Variants in GSE1 observed in about 807,000 individuals in gnomAD.
GSE1 encodes the protein Gse1 coiled-coil protein, also known as genetic suppressor element 1.
A neutral mutation model predicts 112.6 loss-of-function variants in GSE1; 32 were observed. The observed-to-expected ratio is 0.28, with a 90% CI of 0.21 to 0.38. GSE1 has a LOEUF of 0.38. Ranked by LOEUF, GSE1 falls within the 10% of genes least tolerant of loss-of-function variation. The pLI, the probability that GSE1 is intolerant of heterozygous loss-of-function variation, is 1.00. For synonymous variants in GSE1, 1,115 were observed against 735.6 expected (o/e 1.52, Z -8.35); for missense variants, 2,348 against 1,699.2 (o/e 1.38, Z -6.71).
intron 1 of GSE1, among the ~76,000 whole-genome samples, chr16:85,628,778 C>G (rs1046312624): frequency 2.0e-5 from 3 of 152,224 alleles, no homozygotes; most frequent in Non-Finnish European, 4.4e-5. Context: ...AAAGACATAG[C>G]TCTTCTCGTT....
At chr16:85,625,894 C>A (rs936522238) in intron 1 of GSE1, among the ~76,000 whole-genome samples, 5 of 152,118 alleles carry the variant, frequency 3.3e-5, no homozygotes, top group African/African-American at 4.8e-5. Flanking sequence ...CAGGTCTACA[C>A]GGGCCAGGCG....
chr16:85,477,095 T>C (rs1450676470), intron 2 of GSE1, among the ~76,000 whole-genome samples: 1 of 151,976 alleles, frequency 6.6e-6, no homozygotes, highest in Non-Finnish European at 1.5e-5. Context: ...GCCTGGCTAA[T>C]TTTTGTATTT....
chr16:85,187,495 CAG>C, intron 1 of GSE1, among the ~76,000 whole-genome samples: 1 of 152,258 alleles, frequency 6.6e-6, no homozygotes, highest in Non-Finnish European at 1.5e-5. Context: ...CATTCTTGCT[CAG>C]TGTCACCTGG....
intron 2 of GSE1, among the ~76,000 whole-genome samples, chr16:85,514,640 C>A (rs1251983270): frequency 6.6e-6 from 1 of 152,212 alleles, no homozygotes; most frequent in Non-Finnish European, 1.5e-5. Context: ...AGAGGCTCTG[C>A]GCCCATTGTC....
chr16:85,356,255 C>T (rs1427205393), intron 1 of GSE1, among the ~76,000 whole-genome samples: 1 of 152,222 alleles, frequency 6.6e-6, no homozygotes, highest in Non-Finnish European at 1.5e-5. Flanking sequence ...CGCCTCGGGA[C>T]CAGTGAGCCC....
At chr16:85,292,997 G>A (rs2045266747) in intron 1 of GSE1, among the ~76,000 whole-genome samples, 1 of 152,136 alleles carries the variant, frequency 6.6e-6, no homozygotes, top group African/African-American at 2.4e-5. Context: ...TTAAGTGTCC[G>A]TTTTGAAGAG....
intron 2 of GSE1, among the ~76,000 whole-genome samples, chr16:85,448,057 G>A (rs1475688606): frequency 6.6e-6 from 1 of 152,218 alleles, no homozygotes; most frequent in African/African-American, 2.4e-5. Context: ...CAGCCAGCGA[G>A]GGCTCATCAG....
intron 1 of GSE1, among the ~76,000 whole-genome samples, chr16:85,182,761 C>T (rs55634088): frequency 1.3e-5 from 2 of 151,930 alleles, no homozygotes; most frequent in Non-Finnish European, 1.5e-5. Flanking sequence ...GAGCCGCCTG[C>T]GTGGGAGGGA....
At chr16:85,399,795 G>A (rs1042727871) in intron 2 of GSE1, among the ~76,000 whole-genome samples, 6 of 152,336 alleles carry the variant, frequency 3.9e-5, no homozygotes, top group South Asian at 4.1e-4. Context: ...TCTGTGCTTC[G>A]CTCCTAGAAG....
At chr16:85,343,828 A>C (rs2046675101) in intron 1 of GSE1, among the ~76,000 whole-genome samples, 1 of 152,192 alleles carries the variant, frequency 6.6e-6, no homozygotes, top group Admixed American at 6.5e-5. Context: ...CTCCCCTCTC[A>C]CTGCGAATGA....
intron 1 of GSE1, among the ~76,000 whole-genome samples, chr16:85,633,628 C>A (rs1337732959): frequency 6.6e-6 from 1 of 152,218 alleles, no homozygotes; most frequent in Middle Eastern, 3.2e-3. Flanking sequence ...ACCTGCCCAG[C>A]CTGGACTGCC....
intron 1 of GSE1, among the ~76,000 whole-genome samples, chr16:85,307,614 A>ACAGG (rs2045716298): frequency 2.6e-4 from 1 of 3,806 alleles, no homozygotes; most frequent in Non-Finnish European, 3.9e-4. Context: ...GATGGCACAC[A>ACAGG]GCATTGCCAA....
At chr16:85,560,495 C>T (rs941219241) in intron 1 of GSE1, among the ~76,000 whole-genome samples, 1 of 152,106 alleles carries the variant, frequency 6.6e-6, no homozygotes, top group Non-Finnish European at 1.5e-5. Flanking sequence ...ATGGTTGTAG[C>T]GTCTGCCTCT....
chr16:85,304,691 C>G (rs1033568301), intron 1 of GSE1, among the ~76,000 whole-genome samples: 6 of 150,498 alleles, frequency 4.0e-5, no homozygotes, highest in Admixed American at 6.7e-5. Flanking sequence ...GCAGCTGGGC[C>G]GTGATGTTCC....
intron 15 of GSE1, 115 bp downstream of exon 15, chr16:85,671,213 G>T (rs998968189): frequency 3.4e-6 from 2 of 582,928 alleles, no homozygotes; most frequent in Non-Finnish European, 6.1e-6. Context: ...ATCAAAATTT[G>T]GCGGATCACG....
intron 1 of GSE1, among the ~76,000 whole-genome samples, chr16:85,204,110 G>C (rs1462880680): frequency 6.6e-6 from 1 of 152,188 alleles, no homozygotes; most frequent in Non-Finnish European, 1.5e-5. Context: ...ACCCATACCT[G>C]TTAAGCTGTC....
At chr16:85,294,544 T>G (rs1481792353) in intron 1 of GSE1, among the ~76,000 whole-genome samples, 1 of 151,918 alleles carries the variant, frequency 6.6e-6, no homozygotes, top group Non-Finnish European at 1.5e-5. Flanking sequence ...TTCTCAACAG[T>G]GTGGGGCTGA....
In GSE1 at chr16:85,311,059, C is replaced by G. The variant is rs1180077595; in HGVS notation, c.2284-46404C>G. Among the ~76,000 whole-genome samples, 1 of 152,216 alleles carries G rather than the reference C, an allele frequency of 6.6e-6. No homozygotes were observed. The highest frequency in any genetic ancestry group is 1.5e-5 in the Non-Finnish European group (1 of 68,030). ...CCGTCAGCAATGGCCATGGCTCTGT[C>G]AAGAAGGATTATCTCGTCCTCCAGC... is the stretch of plus-strand genomic sequence containing the variant. On this transcript the variant is annotated intron_variant, in intron 1 of 2. Coordinates refer to the GSE1 transcript ENST00000637419. The surrounding 1 kb of genome is among the most constrained non-coding windows in gnomAD (Gnocchi z 4.2).
chr16:85,558,099 G>A (rs996817361), intron 1 of GSE1, among the ~76,000 whole-genome samples: 2 of 152,202 alleles, frequency 1.3e-5, no homozygotes, highest in Non-Finnish European at 2.9e-5. Context: ...AGGTTGTAAG[G>A]GGAGGGCGGA....
Sources: allele counts gnomAD v4.1 joint callset (sites outside exome capture counted in the v4.1 genomes callset), GRCh38; gene constraint gnomAD v4.1.1; non-coding constraint Gnocchi (gnomAD v3.1); transcripts MANE v1.5; gene names NCBI Gene and HGNC (gene_info 2026-07-23, HGNC 2026-07-21).